TCF20: variants seen among roughly 807,000 people sequenced by gnomAD.
TCF20 encodes the protein SPRE-binding protein.
TCF20 carries 3 observed loss-of-function variants against 148.6 expected under a neutral mutation model. The observed-to-expected ratio is 0.02, with a 90% CI of 0.01 to 0.05. TCF20 has a LOEUF of 0.05. Among genes scored for constraint, TCF20 ranks in the 10% least tolerant of loss-of-function variants. TCF20 has a pLI of 1.00. For missense variants in TCF20, 2,350 were observed against 2,429.3 expected (o/e 0.97, Z 0.69); for synonymous variants, 1,049 against 909.5 (o/e 1.15, Z -2.76).
intron 1 of TCF20, among the ~76,000 whole-genome samples, chr22:42,243,802 TAA>T (rs1924675858): frequency 6.6e-6 from 1 of 152,156 alleles, no homozygotes; most frequent in African/African-American, 2.4e-5. Context: ...CTCTAAGCAA[TAA>T]AGTCTACTAA....
intron 2 of TCF20, among the ~76,000 whole-genome samples, chr22:42,203,083 A>T (rs548578022): frequency 6.6e-6 from 1 of 152,118 alleles, no homozygotes; most frequent in Non-Finnish European, 1.5e-5. Context: ...ACATATAATA[A>T]CTTGTGTGTT....
chr22:42,326,060 C>G (rs1352765981), intron 1 of TCF20, among the ~76,000 whole-genome samples: 1 of 152,066 alleles, frequency 6.6e-6, no homozygotes, highest in African/African-American at 2.4e-5. Flanking sequence ...CTCTGGCTGC[C>G]AGGGGTGCCA....
At position 42,208,450 on chromosome 22, in the gene TCF20, G is replaced by A. The variant is rs999581800; in HGVS notation, c.5655+1201C>T. Among the ~76,000 whole-genome samples the A allele has an allele frequency of 2.0e-5, 3 of 152,240 alleles. No individual in the cohort carries two copies. In the South Asian group the frequency reaches 6.2e-4, roughly 32 times the overall value. ...GAGACCACTCTGGGCAACACAGTGA[G>A]ACCTTGTTTCTGCAAAAAATATAAA... On this transcript the variant is annotated intron_variant, in intron 2 of 5. Transcript: ENST00000677622.
At chr22:42,208,473 A>C (rs1359425104) in intron 2 of TCF20, among the ~76,000 whole-genome samples, 1 of 152,078 alleles carries the variant, frequency 6.6e-6, no homozygotes, top group Non-Finnish European at 1.5e-5. Context: ...CAAAAAATAT[A>C]AATATTAGCT....
chr22:42,323,903 A>AGGTGGTGGTGATGGAGGTTAT (rs1927790652), intron 1 of TCF20, among the ~76,000 whole-genome samples: 3 of 16,846 alleles, frequency 1.8e-4, no homozygotes, highest in African/African-American at 7.1e-4. Flanking sequence ...ATGGTGGTGG[A>AGGTGGTGGTGATGGAGGTTAT]GGTGGTGGTG....
chr22:42,210,630 G>A lies in TCF20; in HGVS notation c.4676C>T (p.Pro1559Leu). The A allele has an allele frequency of 1.2e-6, 2 of 1,614,172 alleles. No individual in the cohort carries two copies. Among genetic ancestry groups the A allele is most frequent in the Non-Finnish European group, 1.7e-6 (2 of 1,180,038 alleles). The change falls in exon 2 of 6, where the codon CCA becomes CTA. Residue 1559 changes from proline (P) to leucine (L), a missense_variant. Coordinates refer to ENST00000677622, the MANE Select transcript of TCF20 (RefSeq NM_001378418.1). This position sits in a 1 kb window ranked among gnomAD's most constrained non-coding sequence, Gnocchi z 4.7. ...TGGTATCTGTGGGGGCTGAGGGGGTGGAGGCGGTGGCTGCTGCTGTTTCTT... is the reference window on the plus strand; with the variant it reads ...TGGTATCTGTGGGGGCTGAGGGGGTAGAGGCGGTGGCTGCTGCTGTTTCTT... ...KQKKQQQPPP[P>L]PPQPPQIPEG...
chr22:42,215,529 T>C lies in TCF20; in HGVS notation c.-36-188A>G, dbSNP rs1433202968. 4.3e-6 allele frequency: 3 copies of C among 695,530 alleles called. No individual in the cohort carries two copies. In the East Asian group the frequency reaches 8.8e-5, roughly 20 times the overall value. The allele number at this position is 695,530 out of a possible 1,614,324, so 43.1% of individuals were successfully genotyped here. ...TCTGTCACCCAGGCTGGAGTGCAAT[T>C]GCACGATCTCAGCTCAATGCAACTT... On this transcript the variant is annotated intron_variant, in intron 1 of 5. Transcript: ENST00000677622.
chr22:42,284,803 C>A (rs999686781), upstream of TCF20, among the ~76,000 whole-genome samples: 6 of 152,226 alleles, frequency 3.9e-5, no homozygotes, highest in African/African-American at 1.4e-4. Flanking sequence ...ACCTGCAAGC[C>A]CAGCACAGGC....
At position 42,214,861 on chromosome 22, in the gene TCF20, C is replaced by G. The variant is rs954206647; in HGVS notation, c.445G>C (p.Val149Leu). Residue 149 changes from valine to leucine, a missense_variant, in exon 2 of 6, where the codon GTG (valine) becomes CTG (leucine). Val to Leu is a conservative substitution (Grantham distance 32). Coordinates refer to ENST00000677622, the MANE Select transcript of TCF20 (RefSeq NM_001378418.1). ...FQAQHSGLGGVSHYQQDYTGP... is the reference protein window; with the variant it reads ...FQAQHSGLGGLSHYQQDYTGP... Reference sequence around the variant, plus strand: ...GTGTAATCCTGCTGATAATGTGACACACCGCCAAGGCCAGAGTGCTGTGCT... The same window carrying G: ...GTGTAATCCTGCTGATAATGTGACAGACCGCCAAGGCCAGAGTGCTGTGCT... The G allele has an allele frequency of 3.7e-6, 6 of 1,614,068 alleles. No homozygotes were observed. Among genetic ancestry groups the G allele is most frequent in the Non-Finnish European group, 4.2e-6 (5 of 1,180,056 alleles).
At chr22:42,304,028 C>A (rs895347065) in intron 1 of TCF20, among the ~76,000 whole-genome samples, 12 of 151,962 alleles carry the variant, frequency 7.9e-5, no homozygotes, top group African/African-American at 2.9e-4. Context: ...TCTGCCCCAC[C>A]CCCCTGCCGC....
At chr22:42,263,179 G>C (rs1312540499) in intron 1 of TCF20, among the ~76,000 whole-genome samples, 2 of 152,174 alleles carry the variant, frequency 1.3e-5, no homozygotes, top group African/African-American at 2.4e-5. Context: ...GCCAGGATGA[G>C]GTTGCACATC....
In TCF20 at chr22:42,214,422, T is replaced by A; in HGVS notation, c.884A>T (p.Gln295Leu). The change falls in exon 2 of 6, where the codon CAA becomes CTA. Residue 295 changes from glutamine to leucine, a missense_variant. By Grantham distance (113) the Gln-to-Leu change is moderately radical. Coordinates refer to ENST00000677622, the MANE Select transcript of TCF20 (RefSeq NM_001378418.1). ...GTQSNYSYQP[Q>L]SMKNFEQAKI... ...TGCCTGTTCAAAATTCTTCATAGAT[T>A]GAGGCTGATAGCTGTAATTGGATTG... 1.9e-6 allele frequency: 3 copies of A among 1,614,118 alleles called. No individual in the cohort carries two copies. The highest frequency in any genetic ancestry group is 1.7e-6 in the Non-Finnish European group (2 of 1,180,020).
chr22:42,312,697 C>T (rs1394863698), intron 1 of TCF20, among the ~76,000 whole-genome samples: 1 of 152,142 alleles, frequency 6.6e-6, no homozygotes, highest in Non-Finnish European at 1.5e-5. Context: ...CCCGGTCACC[C>T]CCCATCCCTG....
chr22:42,301,816 C>A (rs1927341274), intron 1 of TCF20, among the ~76,000 whole-genome samples: 1 of 152,224 alleles, frequency 6.6e-6, no homozygotes, highest in Admixed American at 6.5e-5. Context: ...GGCAGCCATT[C>A]CCCTGGTAGA....
chr22:42,192,025 G>T (rs1053478923), intron 2 of TCF20, among the ~76,000 whole-genome samples: 1 of 152,172 alleles, frequency 6.6e-6, no homozygotes, highest in Non-Finnish European at 1.5e-5. Context: ...CAGTGGATTA[G>T]CTTATAAAGA....
chr22:42,304,326 A>G (rs919678667), intron 1 of TCF20, among the ~76,000 whole-genome samples: 9 of 152,344 alleles, frequency 5.9e-5, no homozygotes, highest in Admixed American at 2.0e-4. Context: ...AGAGGCAGGT[A>G]GAGCCCAACA....
At chr22:42,300,503 C>A (rs1927318476) in intron 1 of TCF20, among the ~76,000 whole-genome samples, 1 of 152,138 alleles carries the variant, frequency 6.6e-6, no homozygotes. Flanking sequence ...TTTTGTTTCC[C>A]AGGGGGCACT....
rs775010649 is a variant in TCF20, at chr22:42,212,064, G to T, written c.3242C>A (p.Ser1081Tyr). 6.2e-7 allele frequency: 1 copy of T among 1,614,136 alleles called. No homozygotes were observed. Among genetic ancestry groups the T allele is most frequent in the Non-Finnish European group, 8.5e-7 (1 of 1,180,030 alleles). The change falls in exon 2 of 6, where the codon TCT (serine) becomes TAT (tyrosine). Residue 1081 changes from serine (S) to tyrosine (Y), a missense_variant. Physicochemically the swap from Ser to Tyr is moderately radical, Grantham distance 144. Transcript: ENST00000677622. The part of the protein sequence containing the change: ...AYGDPNAGLN[S>Y]QLHYKRQMYQ... Reference sequence around the variant, plus strand: ...CATCTGTCTCTTATAATGCAGCTGAGAATTCAAACCTGCGTTAGGGTCCCC... The same window carrying T: ...CATCTGTCTCTTATAATGCAGCTGATAATTCAAACCTGCGTTAGGGTCCCC...
At chr22:42,215,869 A>G (rs1473253194) in intron 1 of TCF20, among the ~76,000 whole-genome samples, 1 of 152,128 alleles carries the variant, frequency 6.6e-6, no homozygotes, top group African/African-American at 2.4e-5. Flanking sequence ...TAGTAGAATG[A>G]AAAGCAGCAC....
Sources: gnomAD v4.1 joint callset for allele counts (sites outside exome capture counted in the v4.1 genomes callset) on GRCh38, gnomAD v4.1.1 for gene constraint, Gnocchi (gnomAD v3.1) non-coding constraint, MANE v1.5 for transcripts, NCBI Gene and HGNC (gene_info 2026-07-23, HGNC 2026-07-21) for gene names.